The following RIC3 variants were observed in gnomAD, a reference collection of about 807,000 sequenced individuals.
The protein encoded by RIC3 is protein RIC-3.
RIC3 carries 28 observed loss-of-function variants against 27.3 expected under a neutral mutation model. The ratio of observed to expected loss-of-function variants is 1.02; its 90% confidence interval spans 0.76 to 1.41. RIC3 has a LOEUF of 1.41. RIC3 is among the 40% of genes most tolerant of loss of function. RIC3 has a pLI of 0.00. For missense variants in RIC3, 501 were observed against 444.7 expected (o/e 1.13, Z -1.14); for synonymous variants, 184 against 160.4 (o/e 1.15, Z -1.11).
At chr11:8,140,785 C>G (rs1948964010) in intron 1 of RIC3, among the ~76,000 whole-genome samples, 1 of 152,050 alleles carries the variant, frequency 6.6e-6, no homozygotes, top group African/African-American at 2.4e-5. Flanking sequence ...AGCAGTTAGC[C>G]ACCCCTAACT....
At chr11:8,149,719 T>G (rs901825192) in intron 1 of RIC3, among the ~76,000 whole-genome samples, 1 of 152,206 alleles carries the variant, frequency 6.6e-6, no homozygotes, top group Non-Finnish European at 1.5e-5. Flanking sequence ...CAAAGTAACC[T>G]TGAAAACTAA....
At chr11:8,139,566 C>A (rs1948804589) in intron 2 of RIC3, 6 of 178,232 alleles carry the variant, frequency 3.4e-5, no homozygotes, top group Admixed American at 2.8e-4. Flanking sequence ...TTGGAAATCA[C>A]TGTGCCAATC....
At chr11:8,111,713 G>A (rs1204484400) in intron 5 of RIC3, among the ~76,000 whole-genome samples, 1 of 152,224 alleles carries the variant, frequency 6.6e-6, no homozygotes, top group Admixed American at 6.5e-5. Flanking sequence ...TGCATTTTCG[G>A]AAGACAGAAT....
chr11:8,148,455 T>G (rs1477332609), intron 1 of RIC3, among the ~76,000 whole-genome samples: 1 of 152,230 alleles, frequency 6.6e-6, no homozygotes, highest in South Asian at 2.1e-4. Context: ...TAATGTTCAA[T>G]AAACTGGATC....
In RIC3 at chr11:8,110,820, G is replaced by C. The variant is rs750076524; in HGVS notation, c.988C>G (p.Gln330Glu). 2 of 1,614,164 alleles carry C rather than the reference G, an allele frequency of 1.2e-6. No individual in the cohort carries two copies. Among genetic ancestry groups the C allele is most frequent in the Non-Finnish European group, 1.7e-6 (2 of 1,180,030 alleles). ...AGFSADSYPE[Q>E]EETTKEEWSQ... ...CACTCTTCTTTGGTGGTTTCCTCTT[G>C]CTCAGGGTAGCTATCTGCACTGAAT... is the stretch of plus-strand genomic sequence containing the variant. Residue 330 changes from glutamine (Q) to glutamate (E), a missense_variant, in exon 6 of 6, where the codon CAA (glutamine) becomes GAA (glutamate). By Grantham distance (29) the Gln-to-Glu change is conservative (BLOSUM62 2). Coordinates refer to ENST00000309737, the MANE Select transcript of RIC3 (RefSeq NM_001206671.4).
chr11:8,132,926 G>GT (rs758973792), intron 4 of RIC3, among the ~76,000 whole-genome samples: 13 of 152,292 alleles, frequency 8.5e-5, no homozygotes, highest in Non-Finnish European at 1.9e-4. Context: ...GACACAAACT[G>GT]TAAGTATAAA....
At chr11:8,100,997 CGTGA>C in the RIC3 span, 13 of 1,614,112 alleles carry the variant, frequency 8.1e-6, no homozygotes, top group Non-Finnish European at 1.1e-5. Context: ...TGGCAATGAC[CGTGA>C]GTGTTTCTGT....
intron 5 of RIC3, 55 bp from the exon 6 acceptor site, chr11:8,111,192 AAAAT>A: frequency 2.3e-6 from 3 of 1,326,776 alleles, no homozygotes; most frequent in Non-Finnish European, 3.1e-6. Context: ...AAAAAAAAAA[AAAAT>A]AGTGTCAGGT....
chr11:8,156,932 CTCTA>C (rs1950715043), intron 1 of RIC3, among the ~76,000 whole-genome samples: 1 of 152,184 alleles, frequency 6.6e-6, no homozygotes, highest in Non-Finnish European at 1.5e-5. Flanking sequence ...TAAACACCAT[CTCTA>C]TCCAATTTTA....
rs1945006559 is a variant in RIC3 at position 8,109,396 on chromosome 11, T to G, written c.*1302A>C. 2 of 152,168 alleles carry G rather than the reference T, an allele frequency of 1.3e-5. No homozygotes were observed. Among genetic ancestry groups the G allele is most frequent in the African/African-American group, 4.8e-5 (2 of 41,440 alleles). 9.4% of individuals were successfully genotyped at this position (152,168 alleles called of 1,614,324 possible). On this transcript the variant is annotated 3_prime_UTR_variant, in exon 6 of 6. Coordinates refer to ENST00000309737, the MANE Select transcript of RIC3 (RefSeq NM_001206671.4). The stretch of plus-strand genomic sequence containing the variant: ...AATTCACACATACCTCATGATGTAA[T>G]TCATGGGTGCTATCTTGTCTCAAGA...
chr11:8,132,316 T>C (rs1050020211), intron 4 of RIC3, among the ~76,000 whole-genome samples: 1 of 152,236 alleles, frequency 6.6e-6, no homozygotes, highest in Admixed American at 6.5e-5. Flanking sequence ...ATGTAGTCAC[T>C]CTATGTATTA....
At chr11:8,165,790 T>TTTTTTTTG (rs1951642060) in intron 1 of RIC3, among the ~76,000 whole-genome samples, 1 of 148,216 alleles carries the variant, frequency 6.7e-6, no homozygotes, top group South Asian at 2.1e-4. Flanking sequence ...TTGTTTTGTT[T>TTTTTTTTG]TTTTTTTTGG....
the RIC3 span, chr11:8,095,690 T>TG: frequency 6.4e-7 from 1 of 1,565,384 alleles, no homozygotes; most frequent in African/African-American, 1.4e-5. Flanking sequence ...GACCCAGTGA[T>TG]ACCCCCAAAA....
At chr11:8,168,155 C>G (rs532992588) in intron 1 of RIC3, among the ~76,000 whole-genome samples, 2 of 152,304 alleles carry the variant, frequency 1.3e-5, no homozygotes, top group South Asian at 4.1e-4. Flanking sequence ...CTTCTCCCAG[C>G]CTTCAGCACC....
intron 5 of RIC3, among the ~76,000 whole-genome samples, chr11:8,113,722 G>A (rs920769401): frequency 6.6e-6 from 1 of 152,054 alleles, no homozygotes; most frequent in Non-Finnish European, 1.5e-5. Flanking sequence ...CAGAACCCCA[G>A]GACTGCCCCT....
intron 1 of RIC3, among the ~76,000 whole-genome samples, chr11:8,143,886 C>T (rs971404846): frequency 1.1e-4 from 16 of 152,260 alleles, no homozygotes; most frequent in East Asian, 9.6e-4. Context: ...ATATCTACAA[C>T]GATCAGACCT....
chr11:8,147,425 T>C (rs769864345), intron 1 of RIC3, among the ~76,000 whole-genome samples: 6 of 152,068 alleles, frequency 3.9e-5, no homozygotes, highest in African/African-American at 7.2e-5. Flanking sequence ...CCTTAGTTGA[T>C]TGTCTCCTGG....
At chr11:8,121,730 A>G (rs1946481945) in intron 5 of RIC3, among the ~76,000 whole-genome samples, 1 of 152,144 alleles carries the variant, frequency 6.6e-6, no homozygotes, top group Non-Finnish European at 1.5e-5. Flanking sequence ...AAAAAAAATA[A>G]TAATAACTTT....
At chr11:8,162,201 G>A (rs1490799462) in intron 1 of RIC3, among the ~76,000 whole-genome samples, 1 of 152,250 alleles carries the variant, frequency 6.6e-6, no homozygotes, top group Non-Finnish European at 1.5e-5. Context: ...TGTGACAACT[G>A]TGAGTCTCTG....
Sources: allele counts gnomAD v4.1 joint callset (sites outside exome capture counted in the v4.1 genomes callset), GRCh38; gene constraint gnomAD v4.1.1; transcripts MANE v1.5; gene names NCBI Gene and HGNC (gene_info 2026-07-23, HGNC 2026-07-21).